Variants in MAOA observed in about 807,000 individuals in gnomAD.
MAOA encodes amine oxidase [flavin-containing] A.
A neutral mutation model predicts 42.0 loss-of-function variants in MAOA; 6 were observed. The observed-to-expected ratio is 0.14, with a 90% CI of 0.08 to 0.28. MAOA has a LOEUF of 0.28. Among genes scored for constraint, MAOA ranks in the 10% least tolerant of loss-of-function variants. The pLI is 1.00. For synonymous variants in MAOA, 140 were observed against 154.0 expected, an observed-to-expected ratio of 0.91 and a Z score of 0.67; for missense variants, 262 against 422.3, an observed-to-expected ratio of 0.62 and a Z score of 3.33.
At chrX:43,679,674 G>A (rs928165682) in intron 1 of MAOA, among the ~76,000 whole-genome samples, 4 of 111,289 alleles carry the variant, frequency 3.6e-5, no homozygotes, top group African/African-American at 1.3e-4. Context: ...GGAGCTGCCA[G>A]AGCAATTCCA....
intron 1 of MAOA, among the ~76,000 whole-genome samples, chrX:43,678,702 T>G (rs2033419954): frequency 8.9e-6 from 1 of 111,912 alleles, no homozygotes; most frequent in Non-Finnish European, 1.9e-5. Context: ...TTGGTTATAA[T>G]CCAAGACTTA....
Position 43,687,878 on chromosome X carries a change from C to T in MAOA, c.168+4271C>T, listed in dbSNP as rs894213252. On this transcript the variant is annotated intron_variant, in intron 2 of 14. Transcript: ENST00000338702. ...CCTTCAAAACATATCCAGAATTCAA[C>T]GCTTCCCACCACTTCCACTGCTATC... Among the ~76,000 whole-genome samples, 18 of 112,809 alleles carry T rather than the reference C, an allele frequency of 1.6e-4. 1 individual carries two copies. The highest frequency in any genetic ancestry group is 1.3e-4 in the Non-Finnish European group (7 of 53,361).
chrX:43,656,236 A>G (rs1344334435), upstream of MAOA: 13 of 694,692 alleles, frequency 1.9e-5, no homozygotes, highest in Admixed American at 3.1e-4. Context: ...CAAAAGAAGG[A>G]TCGGCTCCGC....
chrX:43,701,675 A>G (rs778291379), intron 3 of MAOA, among the ~76,000 whole-genome samples: 2 of 111,722 alleles, frequency 1.8e-5, no homozygotes, highest in South Asian at 7.5e-4. Context: ...GACACAAAGG[A>G]TTTCTCTCAC....
At chrX:43,658,011 TTATG>T in intron 1 of MAOA, 1 of 591,952 alleles carries the variant, frequency 1.7e-6, no homozygotes, top group African/African-American at 2.5e-5. Context: ...CTTTATTTAT[TTATG>T]TATTTATTTA....
chrX:43,666,399 G>A (rs1360469144), intron 1 of MAOA, among the ~76,000 whole-genome samples: 1 of 110,827 alleles, frequency 9.0e-6, no homozygotes, highest in Non-Finnish European at 1.9e-5. Flanking sequence ...CTCTCTTTTT[G>A]TCATACACCA....
Position 43,711,050 on chromosome X carries a change from G to T in MAOA, c.307-822G>T, listed in dbSNP as rs1366132358. On this transcript the variant is annotated intron_variant, in intron 3 of 14. Coordinates refer to ENST00000338702, the MANE Select transcript of MAOA (RefSeq NM_000240.4). ...ACAGTCTACTTTCTTCTCTATGTGGGTGACCCACTCCATGGTCAGAGTCCT... is the reference window on the plus strand; with the variant it reads ...ACAGTCTACTTTCTTCTCTATGTGGTTGACCCACTCCATGGTCAGAGTCCT... Among the ~76,000 whole-genome samples the T allele has an allele frequency of 2.7e-5, 3 of 111,839 alleles. No individual in the cohort carries two copies. The East Asian group carries it at 8.4e-4, about 31-fold the overall frequency.
intron 3 of MAOA, among the ~76,000 whole-genome samples, chrX:43,701,531 A>G (rs1018923228): frequency 1.8e-5 from 2 of 111,682 alleles, no homozygotes; most frequent in South Asian, 3.8e-4. Flanking sequence ...CATCCATCCA[A>G]CAGAACCCCT....
intron 8 of MAOA, among the ~76,000 whole-genome samples, chrX:43,732,389 C>T (rs2033888571): frequency 9.0e-6 from 1 of 111,446 alleles, no homozygotes; most frequent in Non-Finnish European, 1.9e-5. Flanking sequence ...GGGTCATTCC[C>T]TCCAATGCAG....
chrX:43,743,317 T>C (rs1180062590), intron 12 of MAOA, among the ~76,000 whole-genome samples: 1 of 111,153 alleles, frequency 9.0e-6, no homozygotes, highest in Non-Finnish European at 1.9e-5. Context: ...GGTCTCTCCT[T>C]TGCCAGAAAT....
chrX:43,670,892 C>A (rs1312290660), intron 1 of MAOA, among the ~76,000 whole-genome samples: 62 of 108,793 alleles, frequency 5.7e-4, no homozygotes, highest in African/African-American at 1.4e-3. Context: ...AATAGTGCCA[C>A]AATAAACATA....
At chrX:43,722,320 G>A (rs996241409) in intron 5 of MAOA, among the ~76,000 whole-genome samples, 25 of 112,147 alleles carry the variant, frequency 2.2e-4, no homozygotes, top group African/African-American at 6.8e-4. Flanking sequence ...TTGTAAAAGC[G>A]TTCCTATTTC....
At chrX:43,689,849 C>T (rs1242035623) in intron 2 of MAOA, among the ~76,000 whole-genome samples, 1 of 111,281 alleles carries the variant, frequency 9.0e-6, no homozygotes, top group East Asian at 2.8e-4. Context: ...ATAGTTCTAA[C>T]AGGTAACAAA....
Position 43,721,457 on chromosome X carries a change from G to A in MAOA, c.504-6716G>A, listed in dbSNP as rs184294377. 1.6e-3 allele frequency among the ~76,000 whole-genome samples: 173 copies of A among 110,912 alleles called. 1 individual carries two copies. Among genetic ancestry groups the A allele is most frequent in the African/African-American group, 5.6e-3 (171 of 30,464 alleles). On this transcript the variant is annotated intron_variant, in intron 5 of 14. Transcript: ENST00000338702. ...GATCGTTGAAAGGTTTTAAGCAGAG[G>A]GTTTTTTGAGTTTGGCACTTTTAAA...
At chrX:43,691,928 C>T (rs1455142834) in intron 2 of MAOA, among the ~76,000 whole-genome samples, 2 of 109,134 alleles carry the variant, frequency 1.8e-5, no homozygotes, top group African/African-American at 6.7e-5. Context: ...TAATACTAGA[C>T]AATTTTCTGG....
At chrX:43,699,857 C>A (rs1263492492) in intron 3 of MAOA, among the ~76,000 whole-genome samples, 2 of 112,011 alleles carry the variant, frequency 1.8e-5, no homozygotes, top group Non-Finnish European at 3.8e-5. Context: ...TATAACCCCT[C>A]ACTTCTAATA....
chrX:43,746,384 A>G lies in MAOA; in HGVS notation c.*1871A>G, dbSNP rs1268292837. 1 of 112,029 alleles carries G rather than the reference A, an allele frequency of 8.9e-6. No homozygotes were observed. Among genetic ancestry groups the G allele is most frequent in the Non-Finnish European group, 1.9e-5 (1 of 53,215 alleles). The allele number at this position is 112,029 out of a possible 1,213,427, so 9.2% of individuals were successfully genotyped here. A position where few individuals can be genotyped will look rare whatever the true frequency, so the allele number is the denominator to read the frequency against. On this transcript the variant is annotated 3_prime_UTR_variant, in exon 15 of 15. Coordinates refer to ENST00000338702, the MANE Select transcript of MAOA (RefSeq NM_000240.4). ...CAGTCCAGATGTGCCTAGACACGAA[A>G]TTGGAGCTGAGGACTCTCACGATAT...
intron 3 of MAOA, among the ~76,000 whole-genome samples, chrX:43,702,111 A>G (rs934892078): frequency 3.6e-5 from 4 of 112,235 alleles, no homozygotes; most frequent in Non-Finnish European, 7.5e-5. Flanking sequence ...TGAAGAAGGG[A>G]AATTCAGTTG....
chrX:43,715,784 G>A (rs1177790704), intron 5 of MAOA, among the ~76,000 whole-genome samples: 2 of 110,707 alleles, frequency 1.8e-5, no homozygotes, highest in Admixed American at 1.9e-4. Context: ...GGGGAGACAG[G>A]ACAGGGTGGA....
Sources: gnomAD v4.1 joint callset for allele counts (sites outside exome capture counted in the v4.1 genomes callset) on GRCh38, gnomAD v4.1.1 for gene constraint, MANE v1.5 for transcripts, NCBI Gene and HGNC (gene_info 2026-07-23, HGNC 2026-07-21) for gene names.